The following NXPE4 variants were observed in gnomAD, a reference collection of about 807,000 sequenced individuals.
NXPE4 encodes NXPE family member 4.
In NXPE4, 42 loss-of-function variants were observed where a neutral mutation model predicts 33.3. The observed-to-expected ratio is 1.26, with a 90% CI of 0.98 to 1.63. The LOEUF is 1.63. Among genes scored for constraint, NXPE4 ranks in the 40% most tolerant of loss-of-function variants. NXPE4 has a pLI of 0.00. For synonymous variants in NXPE4, 253 were observed against 234.9 expected (o/e 1.08, Z -0.71); for missense variants, 709 against 647.6 (o/e 1.09, Z -1.03).
At chr11:114,629,520 T>C in the NXPE4 span, among the ~76,000 whole-genome samples, 1 of 151,502 alleles carries the variant, frequency 6.6e-6, no homozygotes, top group Non-Finnish European at 1.5e-5. Context: ...GGGACATATC[T>C]CAAAATAATA....
At chr11:114,640,878 C>G in the NXPE4 span, among the ~76,000 whole-genome samples, 1 of 151,922 alleles carries the variant, frequency 6.6e-6, no homozygotes, top group African/African-American at 2.4e-5. Context: ...GTGTAGGTTA[C>G]AAATATTTTC....
At chr11:114,578,697 C>T (rs1949068768) in intron 5 of NXPE4, among the ~76,000 whole-genome samples, 1 of 152,136 alleles carries the variant, frequency 6.6e-6, no homozygotes, top group Admixed American at 6.5e-5. Context: ...TGATGAGAGC[C>T]AGGATCCGGG....
chr11:114,588,861 G>A (rs1949373127), intron 2 of NXPE4, among the ~76,000 whole-genome samples: 1 of 152,094 alleles, frequency 6.6e-6, no homozygotes. Flanking sequence ...TAAATGACAA[G>A]TTTATTACAC....
chr11:114,652,675 A>C, the NXPE4 span, among the ~76,000 whole-genome samples: 1 of 152,208 alleles, frequency 6.6e-6, no homozygotes, highest in African/African-American at 2.4e-5. Context: ...AAGAAGAGGT[A>C]ATTGAAGCAA....
chr11:114,586,136 C>T (rs1329415795), intron 2 of NXPE4, among the ~76,000 whole-genome samples: 1 of 152,172 alleles, frequency 6.6e-6, no homozygotes, highest in Admixed American at 6.5e-5. Flanking sequence ...CCTCCTCAAG[C>T]TCATCTATAA....
chr11:114,649,366 T>C, the NXPE4 span, among the ~76,000 whole-genome samples: 1 of 152,182 alleles, frequency 6.6e-6, no homozygotes, highest in Non-Finnish European at 1.5e-5. Flanking sequence ...ATAGACACAA[T>C]GTGGCATATG....
At chr11:114,644,023 C>G in the NXPE4 span, among the ~76,000 whole-genome samples, 1 of 151,920 alleles carries the variant, frequency 6.6e-6, no homozygotes, top group East Asian at 1.9e-4. Flanking sequence ...CTCTTTGCAG[C>G]AATTGTGAAT....
chr11:114,577,409 G>A (rs142982543), intron 5 of NXPE4, among the ~76,000 whole-genome samples: 167 of 152,098 alleles, frequency 1.1e-3, no homozygotes, highest in Non-Finnish European at 2.0e-3. Context: ...GAAAGGGTCA[G>A]CGTTGGCGAG....
At chr11:114,632,117 ATAT>A in the NXPE4 span, among the ~76,000 whole-genome samples, 40 of 144,548 alleles carry the variant, frequency 2.8e-4, 1 homozygote, top group East Asian at 6.4e-3. Flanking sequence ...TATAAATTAT[ATAT>A]TATAATAAAA....
chr11:114,659,552 T>C, the NXPE4 span, among the ~76,000 whole-genome samples: 2 of 151,252 alleles, frequency 1.3e-5, no homozygotes, highest in Non-Finnish European at 2.9e-5. Flanking sequence ...TATTTTGAAA[T>C]GAAACAACAT....
intron 3 of NXPE4, 97 bp downstream of exon 3, chr11:114,582,191 C>G (rs1949161663): frequency 1.5e-6 from 2 of 1,348,122 alleles, no homozygotes; most frequent in Non-Finnish European, 2.0e-6. Context: ...ACTAAAGACA[C>G]CCAAAATTAA....
chr11:114,641,848 G>A, the NXPE4 span, among the ~76,000 whole-genome samples: 1 of 151,996 alleles, frequency 6.6e-6, no homozygotes, highest in Admixed American at 6.6e-5. Flanking sequence ...ATTTTTTAAA[G>A]ATTATTTGGG....
chr11:114,675,199 T>C, the NXPE4 span, among the ~76,000 whole-genome samples: 1 of 151,760 alleles, frequency 6.6e-6, no homozygotes, highest in South Asian at 2.1e-4. Context: ...AACCCACAAC[T>C]AATATCATAC....
At chr11:114,629,177 C>T in the NXPE4 span, among the ~76,000 whole-genome samples, 1 of 152,042 alleles carries the variant, frequency 6.6e-6, no homozygotes, top group Non-Finnish European at 1.5e-5. Flanking sequence ...TTTTATGAGG[C>T]CAGCATCATT....
chr11:114,623,272 T>C, the NXPE4 span, among the ~76,000 whole-genome samples: 1 of 152,182 alleles, frequency 6.6e-6, no homozygotes, highest in East Asian at 1.9e-4. Context: ...TATTGCCTCG[T>C]GGGTGACAAC....
At chr11:114,619,987 ATAGT>A in the NXPE4 span, among the ~76,000 whole-genome samples, 2 of 151,788 alleles carry the variant, frequency 1.3e-5, no homozygotes, top group Admixed American at 6.6e-5. Flanking sequence ...TACCTGGTGG[ATAGT>A]TAGTATTGCC....
At chr11:114,675,798 C>T in the NXPE4 span, among the ~76,000 whole-genome samples, 1 of 151,896 alleles carries the variant, frequency 6.6e-6, no homozygotes, top group African/African-American at 2.4e-5. Flanking sequence ...CCAAACCAAT[C>T]TTGACCAATA....
chr11:114,573,251 T>G (rs1398408294), intron 5 of NXPE4, among the ~76,000 whole-genome samples: 1 of 152,088 alleles, frequency 6.6e-6, no homozygotes, highest in Non-Finnish European at 1.5e-5. Context: ...AAATAGAACC[T>G]CCTTAAAGCA....
chr11:114,650,571 G>A, the NXPE4 span, among the ~76,000 whole-genome samples: 1 of 151,192 alleles, frequency 6.6e-6, no homozygotes, highest in African/African-American at 2.4e-5. Context: ...CCCAGGAAGT[G>A]AGAAAAAATC....
Sources: allele counts gnomAD v4.1 joint callset (sites outside exome capture counted in the v4.1 genomes callset), GRCh38; gene constraint gnomAD v4.1.1; transcripts MANE v1.5; gene names NCBI Gene and HGNC (gene_info 2026-07-23, HGNC 2026-07-21).